The following TCEA1 variants were observed in gnomAD, a reference collection of about 807,000 sequenced individuals.
TCEA1 encodes transcription elongation factor A protein 1.
Under a neutral mutation model 43.8 loss-of-function variants are expected in TCEA1, and 21 were observed. That is an observed-to-expected ratio of 0.48 (90% CI 0.34 to 0.69). The LOEUF is 0.69. Among genes scored for constraint, TCEA1 ranks in the 30% least tolerant of loss-of-function variants. TCEA1 has a pLI of 0.01. For synonymous variants in TCEA1, 104 were observed against 117.5 expected (o/e 0.88, Z 0.75); for missense variants, 250 against 365.1 (o/e 0.68, Z 2.57).
At position 54,022,300 on chromosome 8, in the gene TCEA1, G is replaced by GGCA. The variant is rs1805076130; in HGVS notation, c.-176_-175insTGC. On this transcript the variant is annotated 5_prime_UTR_variant, in exon 1 of 10. Transcript: ENST00000521604. Reference sequence around the variant, plus strand: ...CCGCGGCGGCGGCGGCGGCGGCGGCGGCTCCGGCTCCTCCTCCCCAGGCAG... The same window carrying GGCA: ...CCGCGGCGGCGGCGGCGGCGGCGGCGGCAGCTCCGGCTCCTCCTCCCCAGGCAG... 2 of 733,720 alleles carry GGCA rather than the reference G, an allele frequency of 2.7e-6. No homozygotes were observed. The highest frequency in any genetic ancestry group is 2.6e-5 in the Admixed American group (1 of 39,052). 45.5% of individuals were successfully genotyped at this position (733,720 alleles called of 1,614,324 possible).
In TCEA1 at chr8:53,988,270, C is replaced by T. The variant is rs1257585648; in HGVS notation, c.321-11G>A. On this transcript the variant is annotated splice_polypyrimidine_tract_variant and intron_variant, in intron 4 of 9. Coordinates refer to ENST00000521604, the MANE Select transcript of TCEA1 (RefSeq NM_006756.4). The stretch of plus-strand genomic sequence containing the variant: ...TTGCCGCTGGAAGTACTGAAATACG[C>T]ACAAACACCCCAAAAAGAAATCAAG... 2 of 1,607,806 alleles carry T rather than the reference C, an allele frequency of 1.2e-6. No individual in the cohort carries two copies.
At chr8:53,971,030 A>G (rs1010393248) in intron 8 of TCEA1, among the ~76,000 whole-genome samples, 4 of 152,238 alleles carry the variant, frequency 2.6e-5, no homozygotes. Context: ...GTATAATTTT[A>G]TAACAGCACA....
chr8:53,993,619 A>C (rs773620560), intron 4 of TCEA1, 49 bp downstream of exon 4: 2 of 1,466,490 alleles, frequency 1.4e-6, no homozygotes, highest in East Asian at 4.6e-5. Flanking sequence ...TGATGCAGGA[A>C]GTAAAACTAT....
Position 53,986,998 on chromosome 8 carries a change from T to G in TCEA1, c.494A>C (p.Glu165Ala), listed in dbSNP as rs1465897199. 1 of 1,601,502 alleles carries G rather than the reference T, an allele frequency of 6.2e-7. No homozygotes were observed. Among genetic ancestry groups the G allele is most frequent in the Non-Finnish European group, 8.5e-7 (1 of 1,174,490 alleles). The change falls in exon 6 of 10, where the codon GAG becomes GCG. Residue 165 changes from glutamate (E) to alanine (A), a missense_variant. Glu to Ala is a moderately radical substitution (Grantham distance 107, BLOSUM62 -1). Around this residue, in one of 4 missense-constraint regions of TCEA1, gnomAD observed 147 missense variants for 160.3 expected, o/e 0.92. Transcript: ENST00000521604. ...TTCAATTTGAGATCCTAATTCTTCC[T>G]CATCAGCTCCAATTGCAATGTAGTC... ...GDDYIAIGAD[E>A]EELGSQIEEA...
At chr8:54,002,480 G>GA (rs914512614) in intron 2 of TCEA1, among the ~76,000 whole-genome samples, 31 of 131,496 alleles carry the variant, frequency 2.4e-4, no homozygotes, top group Non-Finnish European at 4.2e-4. Context: ...AAAAAAAAAA[G>GA]AAAAAAAAGA....
At chr8:54,020,308 C>A (rs2129315817) in intron 1 of TCEA1, among the ~76,000 whole-genome samples, 2 of 152,124 alleles carry the variant, frequency 1.3e-5, no homozygotes, top group East Asian at 3.9e-4. Context: ...AACCAGATAA[C>A]CTATCAAATA....
chr8:53,970,086 A>G (rs1292203664), intron 9 of TCEA1, among the ~76,000 whole-genome samples: 1 of 152,222 alleles, frequency 6.6e-6, no homozygotes, highest in East Asian at 1.9e-4. Context: ...CTGGAAGTAC[A>G]AGAGTCAAAA....
Position 53,994,636 on chromosome 8 carries a change from C to A in TCEA1, c.233-881G>T, listed in dbSNP as rs568778302. Among the ~76,000 whole-genome samples, 319 of 151,954 alleles carry A rather than the reference C, an allele frequency of 2.1e-3. 1 individual carries two copies. The highest frequency in any genetic ancestry group is 7.2e-3 in the African/African-American group (299 of 41,412). ...GCAATCCCAGCACTTTGGAAGGCCA[C>A]GGCGGGCAGATCACGAGGTCAGGAG... On this transcript the variant is annotated intron_variant, in intron 3 of 9. Coordinates refer to ENST00000521604, the MANE Select transcript of TCEA1 (RefSeq NM_006756.4).
intron 1 of TCEA1, among the ~76,000 whole-genome samples, chr8:54,019,501 C>T (rs140669564): frequency 1.4e-5 from 2 of 147,920 alleles, no homozygotes; most frequent in African/African-American, 5.0e-5. Flanking sequence ...ACTGGGGAGG[C>T]GGAGGTTGCA....
rs182524213 is a variant in TCEA1 at position 53,990,347 on chromosome 8, A to T, written c.321-2088T>A. Among the ~76,000 whole-genome samples, 607 of 147,828 alleles carry T rather than the reference A, an allele frequency of 4.1e-3. 4 individuals carry two copies. Among genetic ancestry groups the T allele is most frequent in the African/African-American group, 0.014 (579 of 40,362 alleles). On this transcript the variant is annotated intron_variant, in intron 4 of 9. Transcript: ENST00000521604. ...TTGAGCCACCGTGCCAGGCCCCAAAACTCATTTCTTTTCTTTTTTTTTTTT... is the reference window on the plus strand; with the variant it reads ...TTGAGCCACCGTGCCAGGCCCCAAATCTCATTTCTTTTCTTTTTTTTTTTT...
intron 3 of TCEA1, among the ~76,000 whole-genome samples, chr8:53,996,089 T>A (rs570045967): frequency 1.3e-5 from 2 of 152,202 alleles, no homozygotes; most frequent in African/African-American, 4.8e-5. Flanking sequence ...GGAAAACTGA[T>A]ATAACAATGA....
intron 3 of TCEA1, 122 bp from the exon 4 acceptor site, chr8:53,993,877 G>A (rs1803963547): frequency 1.3e-6 from 1 of 751,104 alleles, no homozygotes; most frequent in East Asian, 2.5e-5. Flanking sequence ...AGTAGATGAA[G>A]TTTGCATAAG....
At chr8:53,977,042 G>A (rs189920103) in intron 8 of TCEA1, among the ~76,000 whole-genome samples, 2 of 152,342 alleles carry the variant, frequency 1.3e-5, no homozygotes, top group East Asian at 3.9e-4. Context: ...AACAAAGGCT[G>A]GGCGTGGTGG....
chr8:53,990,005 G>A (rs1387366151), intron 4 of TCEA1, among the ~76,000 whole-genome samples: 5 of 152,030 alleles, frequency 3.3e-5, no homozygotes, highest in East Asian at 1.9e-4. Flanking sequence ...AGAACAGCCC[G>A]GACAAAATAG....
intron 8 of TCEA1, among the ~76,000 whole-genome samples, chr8:53,975,889 T>A (rs1381840705): frequency 1.3e-5 from 2 of 152,178 alleles, no homozygotes; most frequent in Non-Finnish European, 2.9e-5. Context: ...TTAGGTTACA[T>A]ATAAATTCTA....
At chr8:53,996,225 A>C (rs1269982107) in intron 3 of TCEA1, among the ~76,000 whole-genome samples, 4 of 152,264 alleles carry the variant, frequency 2.6e-5, no homozygotes, top group Non-Finnish European at 5.9e-5. Context: ...GAACAGCCTC[A>C]GAAGCATTCC....
intron 1 of TCEA1, among the ~76,000 whole-genome samples, chr8:54,010,972 C>G (rs1283871533): frequency 6.6e-6 from 1 of 152,084 alleles, no homozygotes; most frequent in African/African-American, 2.4e-5. Flanking sequence ...CACACCACCA[C>G]GCTGGGCTAA....
At chr8:54,003,145 A>C (rs548921594) in intron 2 of TCEA1, 1 of 443,358 alleles carries the variant, frequency 2.3e-6, no homozygotes, top group African/African-American at 2.0e-5. Context: ...ACACATATGT[A>C]AAACATACAT....
chr8:53,977,034 C>G (rs1445393404), intron 8 of TCEA1, among the ~76,000 whole-genome samples: 1 of 152,182 alleles, frequency 6.6e-6, no homozygotes, highest in African/African-American at 2.4e-5. Context: ...AAAAGGAAAA[C>G]AAAGGCTGGG....
Sources: gnomAD v4.1 joint callset for allele counts (sites outside exome capture counted in the v4.1 genomes callset) on GRCh38, gnomAD v4.1.1 for gene constraint, gnomAD v4.1.1 regional missense constraint, MANE v1.5 for transcripts, NCBI Gene and HGNC (gene_info 2026-07-23, HGNC 2026-07-21) for gene names.